HERC3: variants seen among roughly 807,000 people sequenced by gnomAD.
The protein encoded by HERC3 is HECT and RLD domain containing E3 ubiquitin protein ligase 3.
Under a neutral mutation model 129.9 loss-of-function variants are expected in HERC3, and 58 were observed. The ratio of observed to expected loss-of-function variants is 0.45; its 90% confidence interval spans 0.36 to 0.56. HERC3 has a LOEUF of 0.56. Ranked by LOEUF, HERC3 falls within the 20% of genes least tolerant of loss-of-function variation. The probability of loss-of-function intolerance (pLI) is 0.00; values close to 1 mark genes in which losing one functional copy is unlikely to be tolerated. For synonymous variants in HERC3, 430 were observed against 451.0 expected, an observed-to-expected ratio of 0.95 and a Z score of 0.59; for missense variants, 835 against 1,244.2, an observed-to-expected ratio of 0.67 and a Z score of 4.95.
At chr4:88,569,459 G>T in the HERC3 span, among the ~76,000 whole-genome samples, 2 of 152,340 alleles carry the variant, frequency 1.3e-5, no homozygotes, top group African/African-American at 2.4e-5. Context: ...TGGTTCTTAT[G>T]AAGGTACTTT....
intron 6 of HERC3, among the ~76,000 whole-genome samples, chr4:88,653,599 T>G (rs1317674871): frequency 1.3e-5 from 2 of 152,004 alleles, no homozygotes; most frequent in African/African-American, 4.8e-5. Context: ...CCCTGAGGGT[T>G]TGGAGGAGAA....
chr4:88,688,217 AG>A lies in HERC3; in HGVS notation c.2657+919del, dbSNP rs567525333. 1.4e-4 allele frequency among the ~76,000 whole-genome samples: 21 copies of A among 152,332 alleles called. No individual in the cohort carries two copies. The South Asian group carries it at 1.5e-3, about 11-fold the overall frequency. ...GGCACCAGATGAGTTGGGACTCTGC[AG>A]TTTGACACATGATAGAGAATGTTGG... On this transcript the variant is annotated intron_variant, in intron 23 of 25. Transcript: ENST00000402738.
chr4:88,613,107 A>G (rs1007882006), intron 3 of HERC3, among the ~76,000 whole-genome samples: 2 of 152,336 alleles, frequency 1.3e-5, no homozygotes, highest in Admixed American at 6.5e-5. Flanking sequence ...CTGAACTTAC[A>G]TAAGTGTCTT....
chr4:88,691,931 TA>T (rs1328184912), intron 23 of HERC3, among the ~76,000 whole-genome samples: 1 of 152,228 alleles, frequency 6.6e-6, no homozygotes, highest in Non-Finnish European at 1.5e-5. Context: ...AACAGTAAGA[TA>T]TTTGCTGGCA....
At chr4:88,616,902 T>G (rs950565511) in intron 3 of HERC3, among the ~76,000 whole-genome samples, 1 of 152,094 alleles carries the variant, frequency 6.6e-6, no homozygotes, top group Non-Finnish European at 1.5e-5. Context: ...GATTTATTCT[T>G]CCTGCCAAAT....
At chr4:88,638,417 G>A (rs1464562515) in intron 3 of HERC3, among the ~76,000 whole-genome samples, 2 of 152,116 alleles carry the variant, frequency 1.3e-5, no homozygotes, top group Non-Finnish European at 2.9e-5. Context: ...CTTCATCCTG[G>A]GATGCAAGGC....
At chr4:88,700,886 T>C (rs1464179702) in intron 23 of HERC3, among the ~76,000 whole-genome samples, 1 of 152,190 alleles carries the variant, frequency 6.6e-6, no homozygotes, top group Non-Finnish European at 1.5e-5. Flanking sequence ...CTCAAGTCTT[T>C]TTCTCTTAAG....
At position 88,707,559 on chromosome 4, in the gene HERC3, TGGGAGCC is replaced by T. The variant is rs1735879405; in HGVS notation, c.*600_*606del. 6.6e-6 allele frequency: 1 copy of T among 152,478 alleles called. No individual in the cohort carries two copies. Among genetic ancestry groups the T allele is most frequent in the African/African-American group, 2.4e-5 (1 of 41,448 alleles). 9.4% of individuals were successfully genotyped at this position (152,478 alleles called of 1,614,324 possible). On this transcript the variant is annotated 3_prime_UTR_variant, in exon 26 of 26. Coordinates refer to ENST00000402738, the MANE Select transcript of HERC3 (RefSeq NM_014606.3). ...TTTTGGCAGAACTCCTAAGAATTTA[TGGGAGCC>T]TATATAAACATATCTTGCTTTTAAA... is the stretch of plus-strand genomic sequence containing the variant.
At chr4:88,561,750 G>A in the HERC3 span, among the ~76,000 whole-genome samples, 2 of 152,098 alleles carry the variant, frequency 1.3e-5, no homozygotes, top group African/African-American at 4.8e-5. Flanking sequence ...ACAAATGAAT[G>A]AGAACATGCA....
chr4:88,612,982 C>G (rs1167769891), intron 3 of HERC3, among the ~76,000 whole-genome samples: 2 of 152,154 alleles, frequency 1.3e-5, no homozygotes, highest in African/African-American at 2.4e-5. Context: ...TCCTACCTAG[C>G]CACATTGTAA....
chr4:88,675,166 C>G (rs1182347313), intron 16 of HERC3, among the ~76,000 whole-genome samples: 1 of 152,150 alleles, frequency 6.6e-6, no homozygotes, highest in East Asian at 1.9e-4. Context: ...TGCTTGAGTT[C>G]CACTGCCCAT....
chr4:88,584,657 G>A, the HERC3 span, among the ~76,000 whole-genome samples: 1 of 152,156 alleles, frequency 6.6e-6, no homozygotes, highest in Non-Finnish European at 1.5e-5. Context: ...CACCACATGA[G>A]GACACAGAGT....
chr4:88,555,004 G>A, the HERC3 span, among the ~76,000 whole-genome samples: 2 of 150,322 alleles, frequency 1.3e-5, no homozygotes, highest in African/African-American at 2.5e-5. Flanking sequence ...AAATTATATC[G>A]TGGCCGTGCA....
In HERC3 at chr4:88,615,877, G is replaced by A. The variant is rs535719771; in HGVS notation, c.226+9828G>A. 5.9e-5 allele frequency among the ~76,000 whole-genome samples: 9 copies of A among 152,190 alleles called. No homozygotes were observed. The South Asian group carries it at 1.9e-3, about 32-fold the overall frequency. ...CAAGTACTAGCTATTATCATTATTT[G>A]TAGTAGCAGTAGTAGTAATTTGTGT... On this transcript the variant is annotated intron_variant, in intron 3 of 25. Transcript: ENST00000402738.
chr4:88,611,300 A>C (rs1032258015), intron 3 of HERC3, among the ~76,000 whole-genome samples: 8 of 152,192 alleles, frequency 5.3e-5, no homozygotes, highest in Non-Finnish European at 1.2e-4. Context: ...TGGGAAGAAG[A>C]GAATGAACTT....
chr4:88,685,844 G>A (rs1331244715), intron 21 of HERC3, among the ~76,000 whole-genome samples: 1 of 152,058 alleles, frequency 6.6e-6, no homozygotes, highest in Non-Finnish European at 1.5e-5. Flanking sequence ...TATTTTATCT[G>A]TGTACTAATA....
the HERC3 span, among the ~76,000 whole-genome samples, chr4:88,562,042 C>A: frequency 6.6e-6 from 1 of 152,086 alleles, no homozygotes; most frequent in Non-Finnish European, 1.5e-5. Context: ...CATGGCAGTT[C>A]TATTTTTAGT....
intron 3 of HERC3, among the ~76,000 whole-genome samples, chr4:88,621,405 C>T (rs1725507669): frequency 6.6e-6 from 1 of 152,082 alleles, no homozygotes; most frequent in Non-Finnish European, 1.5e-5. Context: ...CGTGCCTGGC[C>T]TCAGTAAGTA....
rs543274889 is a variant in HERC3 at position 88,632,950 on chromosome 4, C to G, written c.227-16890C>G. Among the ~76,000 whole-genome samples the G allele has an allele frequency of 3.3e-5, 5 of 152,252 alleles. No homozygotes were observed. In the East Asian group the frequency reaches 9.6e-4, roughly 29 times the overall value. On this transcript the variant is annotated intron_variant, in intron 3 of 25. Coordinates refer to ENST00000402738, the MANE Select transcript of HERC3 (RefSeq NM_014606.3). ...TGCATTCAGACACATCATAATCAAA[C>G]TTCTAAAAATTAAGGCAAAGAAAAT...
Sources: allele counts gnomAD v4.1 joint callset (sites outside exome capture counted in the v4.1 genomes callset), GRCh38; gene constraint gnomAD v4.1.1; transcripts MANE v1.5; gene names NCBI Gene and HGNC (gene_info 2026-07-23, HGNC 2026-07-21).